The following BET1L variants were observed in gnomAD, a reference collection of about 807,000 sequenced individuals.
The protein encoded by BET1L is Bet1 golgi vesicular membrane trafficking protein like, also known as BET1-like protein.
A neutral mutation model predicts 12.6 loss-of-function variants in BET1L; 13 were observed. The ratio of observed to expected loss-of-function variants is 1.03; its 90% confidence interval spans 0.67 to 1.64. BET1L has a LOEUF of 1.64. Among genes scored for constraint, BET1L ranks in the 40% most tolerant of loss-of-function variants. BET1L has a pLI of 0.00. For synonymous variants in BET1L, 60 were observed against 56.9 expected, an observed-to-expected ratio of 1.05 and a Z score of -0.25; for missense variants, 154 against 150.7, an observed-to-expected ratio of 1.02 and a Z score of -0.11.
At chr11:205,915 G>A (rs776844640) in intron 2 of BET1L, 37 bp downstream of exon 2, 4 of 1,599,326 alleles carry the variant, frequency 2.5e-6, no homozygotes, top group Non-Finnish European at 3.4e-6. Flanking sequence ...TTCCCCAAAG[G>A]CACCAGGTGG....
At position 205,220 on chromosome 11, in the gene BET1L, G is replaced by C; in HGVS notation, c.*82C>G. 1 of 1,462,166 alleles carries C rather than the reference G, an allele frequency of 6.8e-7. No individual in the cohort carries two copies. Among genetic ancestry groups the C allele is most frequent in the Non-Finnish European group, 9.2e-7 (1 of 1,090,378 alleles). The allele number at this position is 1,462,166 out of a possible 1,614,324, so 90.6% of individuals were successfully genotyped here. A position where few individuals can be genotyped will look rare whatever the true frequency, so the allele number is the denominator to read the frequency against. ...TATCATTGCAAAGGAGTATTTTGTA[G>C]GTAAGTCCTCTGGAGCCCAAAACAC... On this transcript the variant is annotated 3_prime_UTR_variant, in exon 4 of 4. Coordinates refer to ENST00000382762, the MANE Select transcript of BET1L (RefSeq NM_001098787.2).
In BET1L at chr11:205,977, G is replaced by A. The variant is rs77076955; in HGVS notation, c.86C>T (p.Ala29Val). 1 of 1,614,056 alleles carries A rather than the reference G, an allele frequency of 6.2e-7. No individual in the cohort carries two copies. The highest frequency in any genetic ancestry group is 1.3e-5 in the African/African-American group (1 of 75,034). ...RENKRMADSL[A>V]SKVTRLKSLA... Reference sequence around the variant, plus strand: ...CGATTTGAGCCTGGTGACTTTGGAGGCCAGGCTGTCAGCCATTCGCTTGTT... The same window carrying A: ...CGATTTGAGCCTGGTGACTTTGGAGACCAGGCTGTCAGCCATTCGCTTGTT... Residue 29 changes from alanine (A) to valine (V), a missense_variant, in exon 2 of 4, where the codon GCC (alanine) becomes GTC (valine). Transcript: ENST00000382762.
chr11:207,286 C>T lies in BET1L; in HGVS notation c.19+17G>A. On this transcript the variant is annotated intron_variant, in intron 1 of 3. Transcript: ENST00000382762. ...GGCCCGGCCCTGCCCCCAACGGCTCCGCTCTCCCGCGCTCACCCCGAGCCC... is the reference window on the plus strand; with the variant it reads ...GGCCCGGCCCTGCCCCCAACGGCTCTGCTCTCCCGCGCTCACCCCGAGCCC... The T allele has an allele frequency of 6.5e-7, 1 of 1,535,292 alleles. No individual in the cohort carries two copies. Among genetic ancestry groups the T allele is most frequent in the Non-Finnish European group, 8.7e-7 (1 of 1,148,490 alleles).
intron 1 of BET1L, 101 bp downstream of exon 1, chr11:207,202 T>G (rs556474754): frequency 1.4e-6 from 2 of 1,426,384 alleles, no homozygotes; most frequent in African/African-American, 3.0e-5. Context: ...TCGGCCGAGG[T>G]CACCCCAGCT....
At position 205,685 on chromosome 11, in the gene BET1L, A is replaced by T. The variant is rs763507794; in HGVS notation, c.112-18T>A. On this transcript the variant is annotated intron_variant, in intron 2 of 3. Coordinates refer to ENST00000382762, the MANE Select transcript of BET1L (RefSeq NM_001098787.2). ...AGGGCGAGCTGTTCAGCAGACAGAGAGGGCAGGGTTGGGCCAGAGCAGACA... is the reference window on the plus strand; with the variant it reads ...AGGGCGAGCTGTTCAGCAGACAGAGTGGGCAGGGTTGGGCCAGAGCAGACA... The T allele has an allele frequency of 6.2e-7, 1 of 1,600,104 alleles. No homozygotes were observed. Among genetic ancestry groups the T allele is most frequent in the African/African-American group, 1.4e-5 (1 of 71,292 alleles).
Position 206,014 on chromosome 11 carries a change from G to T in BET1L, c.49C>A (p.Leu17Ile). The T allele has an allele frequency of 6.2e-7, 1 of 1,614,026 alleles. No homozygotes were observed. Among genetic ancestry groups the T allele is most frequent in the Non-Finnish European group, 8.5e-7 (1 of 1,180,026 alleles). ...GCCATTCGCTTGTTCTCCCGGTCTA[G>T]AATCTCTTCCACAGCGCCCGGGCTC... ...AQSPGAVEEI[L>I]DRENKRMADS... Residue 17 changes from leucine (L) to isoleucine (I), a missense_variant, in exon 2 of 4, where the codon CTA becomes ATA. Leu to Ile is a conservative substitution (Grantham distance 5). Coordinates refer to ENST00000382762, the MANE Select transcript of BET1L (RefSeq NM_001098787.2).
chr11:206,906 C>A lies in BET1L; in HGVS notation c.19+397G>T, dbSNP rs142390454. The A allele has an allele frequency of 6.6e-3, 1,633 of 246,142 alleles. 9 individuals are homozygous for A. The highest frequency in any genetic ancestry group is 9.9e-3 in the Non-Finnish European group (1,246 of 126,454). The allele number at this position is 246,142 out of a possible 1,614,324, so 15.2% of individuals were successfully genotyped here. On this transcript the variant is annotated intron_variant, in intron 1 of 3. Coordinates refer to ENST00000382762, the MANE Select transcript of BET1L (RefSeq NM_001098787.2). ...CGGGCTCCAGGAGGGGAAATGGGGC[C>A]ACCGAGGCCAAAGTAAGAGTCCTGC...
chr11:207,356 A>ATGCGGCCACAGC lies in BET1L; in HGVS notation c.-36_-35insGCTGTGGCCGCA, dbSNP rs1157608743. The ATGCGGCCACAGC allele has an allele frequency of 2.6e-6, 4 of 1,547,720 alleles. No homozygotes were observed. The highest frequency in any genetic ancestry group is 3.5e-6 in the Non-Finnish European group (4 of 1,154,830). ...CCCCGGCTCCTCGACGCGGACACCG[A>ATGCGGCCACAGC]CGCGGCCACAGCCGCCTCAGACGTG... is the stretch of plus-strand genomic sequence containing the variant. On this transcript the variant is annotated 5_prime_UTR_variant, in exon 1 of 4. Transcript: ENST00000382762.
rs770817798 is a variant in BET1L at position 207,293 on chromosome 11, C to T, written c.19+10G>A. 1.2e-4 allele frequency: 185 copies of T among 1,538,412 alleles called. No homozygotes were observed. The highest frequency in any genetic ancestry group is 1.5e-4 in the Non-Finnish European group (177 of 1,150,316). On this transcript the variant is annotated intron_variant, in intron 1 of 3. Transcript: ENST00000382762. ...CCCTGCCCCCAACGGCTCCGCTCTC[C>T]CGCGCTCACCCCGAGCCCAGTCCGC... is the stretch of plus-strand genomic sequence containing the variant.
Position 206,053 on chromosome 11 carries a change from G to C in BET1L, c.20-10C>G, listed in dbSNP as rs751311913. The C allele has an allele frequency of 4.3e-6, 7 of 1,612,492 alleles. No homozygotes were observed. The South Asian group carries it at 6.6e-5, about 15-fold the overall frequency. On this transcript the variant is annotated splice_polypyrimidine_tract_variant and intron_variant, in intron 1 of 3. Coordinates refer to ENST00000382762, the MANE Select transcript of BET1L (RefSeq NM_001098787.2). ...GCGCCCGGGCTCTGAGCTGAGAAAA[G>C]AGAGGGGCTGAAGGGTTGCATCCAT...
rs1855113664 is a variant in BET1L, at chr11:204,858, T to C, written c.*444A>G. 5.3e-6 allele frequency: 1 copy of C among 188,960 alleles called. No homozygotes were observed. The allele number at this position is 188,960 out of a possible 1,614,324, so 11.7% of individuals were successfully genotyped here. A position where few individuals can be genotyped will look rare whatever the true frequency, so the allele number is the denominator to read the frequency against. On this transcript the variant is annotated 3_prime_UTR_variant, in exon 4 of 4. Coordinates refer to ENST00000382762, the MANE Select transcript of BET1L (RefSeq NM_001098787.2). ...GGTTCACAGCCCCTTCCTGTGTCAGTTCCAGGAACCTTGGATCACAGACAT... is the reference window on the plus strand; with the variant it reads ...GGTTCACAGCCCCTTCCTGTGTCAGCTCCAGGAACCTTGGATCACAGACAT...
At position 205,148 on chromosome 11, in the gene BET1L, C is replaced by A. The variant is rs1447793520; in HGVS notation, c.*154G>T. 3.7e-6 allele frequency: 4 copies of A among 1,073,450 alleles called. No individual in the cohort carries two copies. Among genetic ancestry groups the A allele is most frequent in the Non-Finnish European group, 5.2e-6 (4 of 768,190 alleles). The allele number at this position is 1,073,450 out of a possible 1,614,324, so 66.5% of individuals were successfully genotyped here. On this transcript the variant is annotated 3_prime_UTR_variant, in exon 4 of 4. Coordinates refer to ENST00000382762, the MANE Select transcript of BET1L (RefSeq NM_001098787.2). ...CAACATGAGCTCATCAGGTCACAGGCAGCCGCAGCCTCCTGCCACACAGGA... is the reference window on the plus strand; with the variant it reads ...CAACATGAGCTCATCAGGTCACAGGAAGCCGCAGCCTCCTGCCACACAGGA...
rs1216821464 is a variant in BET1L at position 205,378 on chromosome 11, A to C, written c.260T>G (p.Leu87Arg). Reference sequence around the variant, plus strand: ...TAGACCCACGGCCATGCCACATAGAAGCTTCCGGTTGTCTTGTCCGGACCT... The same window carrying C: ...TAGACCCACGGCCATGCCACATAGACGCTTCCGGTTGTCTTGTCCGGACCT... Reference protein sequence around the residue: ...MARSGQDNRKLLCGMAVGLIV... With the variant: ...MARSGQDNRKRLCGMAVGLIV... Residue 87 changes from leucine to arginine, a missense_variant, in exon 4 of 4, where the codon CTT (leucine) becomes CGT (arginine). Physicochemically the swap from Leu to Arg is moderately radical, Grantham distance 102. Coordinates refer to ENST00000382762, the MANE Select transcript of BET1L (RefSeq NM_001098787.2). The C allele has an allele frequency of 1.2e-6, 2 of 1,614,052 alleles. No homozygotes were observed. Among genetic ancestry groups the C allele is most frequent in the Non-Finnish European group, 1.7e-6 (2 of 1,180,032 alleles).
intron 1 of BET1L, among the ~76,000 whole-genome samples, chr11:206,686 C>T (rs148775350): frequency 1.3e-5 from 2 of 152,210 alleles, no homozygotes; most frequent in African/African-American, 2.4e-5. Context: ...TCGCAGAGGC[C>T]TGGCCTGTGA....
chr11:206,161 G>A (rs539758260), intron 1 of BET1L, 118 bp from the exon 2 acceptor site: 1 of 818,434 alleles, frequency 1.2e-6, no homozygotes, highest in Non-Finnish European at 2.0e-6. Context: ...CAAGGTTCCA[G>A]CAGGTGAATC....
In BET1L at chr11:204,178, A is replaced by G. The variant is rs1855100555; in HGVS notation, c.*1124T>C. ...CAAAGAAGCACATGGCTCATGCTTT[A>G]AAGGTGTTTTTATGCCAAGACAAGG... On this transcript the variant is annotated 3_prime_UTR_variant, in exon 4 of 4. Transcript: ENST00000382762. 1 of 152,418 alleles carries G rather than the reference A, an allele frequency of 6.6e-6. No individual in the cohort carries two copies. The highest frequency in any genetic ancestry group is 2.1e-4 in the South Asian group (1 of 4,842). The allele number at this position is 152,418 out of a possible 1,614,324, so 9.4% of individuals were successfully genotyped here. A position where few individuals can be genotyped will look rare whatever the true frequency, so the allele number is the denominator to read the frequency against.
rs565141773 is a variant in BET1L, at chr11:203,110, T to G, written c.*2192A>C. 2 of 152,122 alleles carry G rather than the reference T, an allele frequency of 1.3e-5. No homozygotes were observed. The highest frequency in any genetic ancestry group is 2.4e-5 in the African/African-American group (1 of 41,408). 9.4% of individuals were successfully genotyped at this position (152,122 alleles called of 1,614,324 possible). On this transcript the variant is annotated 3_prime_UTR_variant, in exon 4 of 4. Coordinates refer to ENST00000382762, the MANE Select transcript of BET1L (RefSeq NM_001098787.2). ...AGGGATTACAGTCAGCAAACCCCAC[T>G]CATTTACAGGGTCAGGTGTACAGGG...
At position 205,121 on chromosome 11, in the gene BET1L, G is replaced by T; in HGVS notation, c.*181C>A. On this transcript the variant is annotated 3_prime_UTR_variant, in exon 4 of 4. Transcript: ENST00000382762. ...AGAGTCCCTTTCACACATGGGACCA[G>T]CCAACATGAGCTCATCAGGTCACAG... is the stretch of plus-strand genomic sequence containing the variant. 1 of 806,426 alleles carries T rather than the reference G, an allele frequency of 1.2e-6. No homozygotes were observed. Among genetic ancestry groups the T allele is most frequent in the Non-Finnish European group, 1.9e-6 (1 of 530,050 alleles). The allele number at this position is 806,426 out of a possible 1,614,324, so 50.0% of individuals were successfully genotyped here.
intron 1 of BET1L, among the ~76,000 whole-genome samples, chr11:206,849 G>A (rs896151291): frequency 1.3e-5 from 2 of 152,338 alleles, no homozygotes; most frequent in Non-Finnish European, 2.9e-5. Context: ...CACAGAGACA[G>A]GCATCAATAT....
Sources: allele counts gnomAD v4.1 joint callset (sites outside exome capture counted in the v4.1 genomes callset), GRCh38; gene constraint gnomAD v4.1.1; transcripts MANE v1.5; gene names NCBI Gene and HGNC (gene_info 2026-07-23, HGNC 2026-07-21).